The following ZSWIM6 variants were observed in gnomAD, a reference collection of about 807,000 sequenced individuals.
ZSWIM6 encodes the protein zinc finger SWIM-type containing 6.
A neutral mutation model predicts 113.2 loss-of-function variants in ZSWIM6; 9 were observed. That is an observed-to-expected ratio of 0.08 (90% CI 0.05 to 0.14). The LOEUF is 0.14. Among genes scored for constraint, ZSWIM6 ranks in the 10% least tolerant of loss-of-function variants. The pLI is 1.00. For missense variants in ZSWIM6, 1,162 were observed against 1,552.2 expected, an observed-to-expected ratio of 0.75 and a Z score of 4.22; for synonymous variants, 611 against 606.5, an observed-to-expected ratio of 1.01 and a Z score of -0.11.
At chr5:61,505,884 T>C (rs1196934530) in intron 4 of ZSWIM6, among the ~76,000 whole-genome samples, 1 of 151,696 alleles carries the variant, frequency 6.6e-6, no homozygotes, top group Non-Finnish European at 1.5e-5. Context: ...GTAGCTGGGA[T>C]TACAGGCGTC....
chr5:61,510,847 G>T (rs1481989153), intron 4 of ZSWIM6, among the ~76,000 whole-genome samples: 2 of 152,160 alleles, frequency 1.3e-5, no homozygotes, highest in African/African-American at 2.4e-5. Flanking sequence ...TCTGTTAGGT[G>T]CAGAAAATGA....
At position 61,495,801 on chromosome 5, in the gene ZSWIM6, G is replaced by A. The variant is rs182519158; in HGVS notation, c.1333+1391G>A. 2.4e-3 allele frequency among the ~76,000 whole-genome samples: 368 copies of A among 152,192 alleles called. 4 individuals are homozygous for A. The highest frequency in any genetic ancestry group is 8.5e-3 in the African/African-American group (355 of 41,536). ...ACTCTAGTATAGACTTGATTGGTTA[G>A]ATGCTTTATAAAGTAAAAAGGATTA... is the stretch of plus-strand genomic sequence containing the variant. On this transcript the variant is annotated intron_variant, in intron 4 of 13. Transcript: ENST00000252744.
intron 1 of ZSWIM6, among the ~76,000 whole-genome samples, chr5:61,409,908 A>G (rs1480315166): frequency 6.6e-6 from 1 of 152,204 alleles, no homozygotes; most frequent in African/African-American, 2.4e-5. Flanking sequence ...TACTGAAGTT[A>G]TCTGATAGTT....
intron 8 of ZSWIM6, among the ~76,000 whole-genome samples, chr5:61,531,016 C>T (rs1339769074): frequency 3.9e-5 from 6 of 152,138 alleles, no homozygotes; most frequent in Admixed American, 3.9e-4. Flanking sequence ...ACTGATGACT[C>T]TTGGATAATA....
At chr5:61,522,322 AT>A (rs960207740) in intron 5 of ZSWIM6, among the ~76,000 whole-genome samples, 7 of 152,252 alleles carry the variant, frequency 4.6e-5, no homozygotes, top group Middle Eastern at 3.4e-3. Context: ...GATTCAGTGC[AT>A]TTTTTGGGAG....
chr5:61,475,923 CT>C (rs1445534982), intron 2 of ZSWIM6, among the ~76,000 whole-genome samples: 2 of 152,128 alleles, frequency 1.3e-5, no homozygotes, highest in Non-Finnish European at 2.9e-5. Flanking sequence ...TGTGGATACA[CT>C]TTTTCTTTGA....
At chr5:61,367,115 C>T (rs1745174739) in intron 1 of ZSWIM6, among the ~76,000 whole-genome samples, 1 of 152,130 alleles carries the variant, frequency 6.6e-6, no homozygotes, top group African/African-American at 2.4e-5. Context: ...CCTCACCATC[C>T]CCTGAGGATT....
chr5:61,492,082 G>A (rs1436814358), intron 3 of ZSWIM6, among the ~76,000 whole-genome samples: 1 of 151,996 alleles, frequency 6.6e-6, no homozygotes, highest in Non-Finnish European at 1.5e-5. Flanking sequence ...ATTACCATTA[G>A]GCTATAGATG....
intron 4 of ZSWIM6, among the ~76,000 whole-genome samples, chr5:61,509,585 C>G (rs1288125424): frequency 6.6e-6 from 1 of 152,116 alleles, no homozygotes; most frequent in African/African-American, 2.4e-5. Context: ...TGAAAATTGC[C>G]AAAGCATCTC....
intron 7 of ZSWIM6, among the ~76,000 whole-genome samples, chr5:61,526,916 A>T (rs1749301199): frequency 1.3e-5 from 2 of 152,242 alleles, no homozygotes; most frequent in Admixed American, 6.5e-5. Context: ...TAAAGCACTT[A>T]AAGCAAAGCT....
chr5:61,490,341 G>A (rs1361691876), intron 2 of ZSWIM6, among the ~76,000 whole-genome samples: 1 of 152,078 alleles, frequency 6.6e-6, no homozygotes, highest in Non-Finnish European at 1.5e-5. Flanking sequence ...TTATACAGCA[G>A]CAGATAATGG....
intron 1 of ZSWIM6, among the ~76,000 whole-genome samples, chr5:61,366,456 A>C (rs1431333093): frequency 6.6e-6 from 1 of 152,312 alleles, no homozygotes. Flanking sequence ...TCAAACTCTA[A>C]AAAGACAAAA....
chr5:61,477,236 GA>G (rs1237255481), intron 2 of ZSWIM6, among the ~76,000 whole-genome samples: 1 of 152,136 alleles, frequency 6.6e-6, no homozygotes, highest in Non-Finnish European at 1.5e-5. Flanking sequence ...TAGAATAGAG[GA>G]AAAGAGGAAA....
intron 1 of ZSWIM6, among the ~76,000 whole-genome samples, chr5:61,427,738 C>T (rs887742194): frequency 6.6e-6 from 1 of 152,074 alleles, no homozygotes; most frequent in African/African-American, 2.4e-5. Flanking sequence ...GCTTTAGCCT[C>T]CCAAAGTGCT....
intron 4 of ZSWIM6, among the ~76,000 whole-genome samples, chr5:61,500,622 C>T (rs1309278534): frequency 6.6e-6 from 1 of 152,086 alleles, no homozygotes; most frequent in African/African-American, 2.4e-5. Context: ...CTAATTTGTA[C>T]CCATGTTTAC....
intron 1 of ZSWIM6, among the ~76,000 whole-genome samples, chr5:61,352,699 ATT>A (rs762253142): frequency 6.6e-6 from 1 of 152,240 alleles, no homozygotes; most frequent in Non-Finnish European, 1.5e-5. Context: ...TGCTATTTTA[ATT>A]ACAGTAAGTA....
chr5:61,367,628 T>C (rs1745186403), intron 1 of ZSWIM6, among the ~76,000 whole-genome samples: 1 of 152,192 alleles, frequency 6.6e-6, no homozygotes, highest in African/African-American at 2.4e-5. Flanking sequence ...GCACAGGAGC[T>C]AGGATTTGAA....
At chr5:61,412,192 A>G (rs896751223) in intron 1 of ZSWIM6, among the ~76,000 whole-genome samples, 3 of 152,188 alleles carry the variant, frequency 2.0e-5, no homozygotes, top group African/African-American at 7.2e-5. Context: ...CTATACTGAG[A>G]TCTCATGATA....
intron 1 of ZSWIM6, among the ~76,000 whole-genome samples, chr5:61,457,978 T>C (rs952211025): frequency 6.6e-6 from 1 of 152,224 alleles, no homozygotes. Context: ...TTCCCCCTCT[T>C]TAATTGCCAT....
Sources: gnomAD v4.1 joint callset for allele counts (sites outside exome capture counted in the v4.1 genomes callset) on GRCh38, gnomAD v4.1.1 for gene constraint, MANE v1.5 for transcripts, NCBI Gene and HGNC (gene_info 2026-07-23, HGNC 2026-07-21) for gene names.